The following CACNA1E variants were observed in gnomAD, a reference collection of about 807,000 sequenced individuals.
CACNA1E encodes the protein calcium voltage-gated channel subunit alpha1 E.
In CACNA1E, 40 loss-of-function variants were observed where a neutral mutation model predicts 259.2. The observed-to-expected ratio is 0.15, with a 90% CI of 0.12 to 0.20. CACNA1E has a LOEUF of 0.20. Ranked by LOEUF, CACNA1E falls within the 10% of genes least tolerant of loss-of-function variation. CACNA1E has a pLI of 1.00. For missense variants in CACNA1E, 1,874 were observed against 3,040.1 expected (o/e 0.62, Z 9.02); for synonymous variants, 1,104 against 1,138.5 (o/e 0.97, Z 0.61).
intron 1 of CACNA1E, among the ~76,000 whole-genome samples, chr1:181,489,976 A>T (rs1388156979): frequency 6.6e-6 from 1 of 152,224 alleles, no homozygotes; most frequent in African/African-American, 2.4e-5. Flanking sequence ...CCCATCAGTC[A>T]TGTTTCCAGC....
Position 181,775,092 on chromosome 1 carries a change from C to A in CACNA1E, c.5140-1009C>A, listed in dbSNP as rs930564451. On this transcript the variant is annotated intron_variant, in intron 37 of 47. Transcript: ENST00000367573. ...AGATGGCTGTAGTGGCAGCTCTAGA[C>A]CGCACATTTTCACACATTTAAGAGC... Among the ~76,000 whole-genome samples, 6 of 152,152 alleles carry A rather than the reference C, an allele frequency of 3.9e-5. No individual in the cohort carries two copies. In the East Asian group the frequency reaches 9.6e-4, roughly 24 times the overall value.
chr1:181,782,431 T>G (rs1252260610), intron 39 of CACNA1E, among the ~76,000 whole-genome samples: 1 of 152,236 alleles, frequency 6.6e-6, no homozygotes, highest in Non-Finnish European at 1.5e-5. Flanking sequence ...CCCAGAACTC[T>G]GGAGCTCTTT....
At chr1:181,623,210 T>C (rs572081817) in intron 6 of CACNA1E, among the ~76,000 whole-genome samples, 1 of 152,272 alleles carries the variant, frequency 6.6e-6, no homozygotes, top group East Asian at 1.9e-4. Flanking sequence ...CCCACAATGG[T>C]AAACCCCTTT....
intron 6 of CACNA1E, among the ~76,000 whole-genome samples, chr1:181,622,555 A>G (rs1342344958): frequency 6.6e-6 from 1 of 152,070 alleles, no homozygotes; most frequent in Non-Finnish European, 1.5e-5. Flanking sequence ...TTCTGTGTGC[A>G]TGCATCTTTT....
intron 8 of CACNA1E, among the ~76,000 whole-genome samples, chr1:181,711,591 G>A (rs1274795278): frequency 6.6e-6 from 1 of 152,204 alleles, no homozygotes; most frequent in African/African-American, 2.4e-5. Context: ...AATATGATGG[G>A]AAAACTGATC....
Position 181,807,956 on chromosome 1 carries a change from G to T in CACNA1E, c.*9122G>T, listed in dbSNP as rs140655057. The T allele has an allele frequency of 6.6e-6, 1 of 152,110 alleles. No individual in the cohort carries two copies. Among genetic ancestry groups the T allele is most frequent in the Non-Finnish European group, 1.5e-5 (1 of 68,002 alleles). 9.4% of individuals were successfully genotyped at this position (152,110 alleles called of 1,614,324 possible). On this transcript the variant is annotated 3_prime_UTR_variant, in exon 48 of 48. Transcript: ENST00000367573. ...TAATAAGTTGGTTTCTTGGGCAAAG[G>T]TTGGTTTGTAAGCCATTTACATGGA...
chr1:181,797,153 G>A (rs1661881660), intron 47 of CACNA1E, among the ~76,000 whole-genome samples: 1 of 152,172 alleles, frequency 6.6e-6, no homozygotes, highest in Non-Finnish European at 1.5e-5. Context: ...GATTTTGGAG[G>A]AGAGGATGGT....
At chr1:181,446,500 C>G (rs77787851) in intron 2 of CACNA1E, among the ~76,000 whole-genome samples, 2,936 of 152,268 alleles carry the variant, frequency 0.019, 54 homozygotes, top group Admixed American at 0.043. Flanking sequence ...GTTTCTTGTT[C>G]CTGGTGTTGG....
At chr1:181,606,240 A>G (rs1273474953) in intron 6 of CACNA1E, among the ~76,000 whole-genome samples, 1 of 152,102 alleles carries the variant, frequency 6.6e-6, no homozygotes, top group Non-Finnish European at 1.5e-5. Flanking sequence ...TAAATACCTG[A>G]GACTACCAAG....
chr1:181,636,778 GAACC>G (rs1415415464), intron 6 of CACNA1E, among the ~76,000 whole-genome samples: 1 of 152,230 alleles, frequency 6.6e-6, no homozygotes, highest in Non-Finnish European at 1.5e-5. Context: ...GAGGAAGGCA[GAACC>G]CTCAGGCTGG....
intron 38 of CACNA1E, among the ~76,000 whole-genome samples, chr1:181,777,205 G>T (rs573890262): frequency 1.4e-4 from 22 of 152,288 alleles, no homozygotes; most frequent in African/African-American, 5.3e-4. Flanking sequence ...TTCTATGAAT[G>T]CTTACTCCAA....
intron 27 of CACNA1E, among the ~76,000 whole-genome samples, chr1:181,753,436 A>G (rs562401586): frequency 1.3e-5 from 2 of 152,350 alleles, no homozygotes; most frequent in Admixed American, 6.5e-5. Context: ...TGCGAGGCTC[A>G]GCTCTAGGAC....
intron 3 of CACNA1E, among the ~76,000 whole-genome samples, chr1:181,540,869 A>T (rs572042691): frequency 1.3e-5 from 2 of 152,336 alleles, no homozygotes; most frequent in South Asian, 4.1e-4. Context: ...TATAAAAGTT[A>T]TACAGGTTAA....
At chr1:181,461,460 C>G (rs893213978) in intron 2 of CACNA1E, among the ~76,000 whole-genome samples, 19 of 145,814 alleles carry the variant, frequency 1.3e-4, no homozygotes, top group Non-Finnish European at 2.4e-4. Context: ...AGAATGGCAT[C>G]AACTTGGGAG....
chr1:181,758,920 C>T lies in CACNA1E; in HGVS notation c.4605+52C>T. 1 of 995,890 alleles carries T rather than the reference C, an allele frequency of 1.0e-6. No homozygotes were observed. Among genetic ancestry groups the T allele is most frequent in the South Asian group, 1.4e-5 (1 of 71,382 alleles). The allele number at this position is 995,890 out of a possible 1,614,324, so 61.7% of individuals were successfully genotyped here. A position where few individuals can be genotyped will look rare whatever the true frequency, so the allele number is the denominator to read the frequency against. The stretch of plus-strand genomic sequence containing the variant: ...TGGGCTTGTCTCTTTCTGTTGGGTG[C>T]CTTCCCAGTCTTTGTTGAAGGGGAG... On this transcript the variant is annotated intron_variant, in intron 32 of 47. Coordinates refer to ENST00000367573, the MANE Select transcript of CACNA1E (RefSeq NM_001205293.3). This position sits in a 1 kb window ranked among gnomAD's most constrained non-coding sequence, Gnocchi z 4.2.
intron 25 of CACNA1E, among the ~76,000 whole-genome samples, chr1:181,748,274 GT>G (rs1207572416): frequency 6.6e-6 from 1 of 152,114 alleles, no homozygotes; most frequent in Non-Finnish European, 1.5e-5. Flanking sequence ...AAGGAACCCT[GT>G]TTTCCAAAAC....
rs556769590 is a variant in CACNA1E at position 181,344,294 on chromosome 1, A to G, written c.-15+26171A>G. 2.0e-5 allele frequency among the ~76,000 whole-genome samples: 3 copies of G among 152,282 alleles called. No individual in the cohort carries two copies. In the South Asian group the frequency reaches 6.2e-4, roughly 32 times the overall value. On this transcript the variant is annotated intron_variant, in intron 1 of 11. Coordinates refer to the CACNA1E transcript ENST00000524607. Reference sequence around the variant, plus strand: ...CACTGCTTGCTAAATCAGTACATCAAACGTACTTCCGTACGCATTCCAGGC... The same window carrying G: ...CACTGCTTGCTAAATCAGTACATCAGACGTACTTCCGTACGCATTCCAGGC...
intron 2 of CACNA1E, among the ~76,000 whole-genome samples, chr1:181,453,982 G>A (rs1293181755): frequency 1.3e-5 from 2 of 152,200 alleles, no homozygotes; most frequent in African/African-American, 4.8e-5. Flanking sequence ...TACTGTGTTG[G>A]TTGCTTAACT....
At chr1:181,429,670 A>G (rs1180418609) in intron 2 of CACNA1E, among the ~76,000 whole-genome samples, 2 of 152,194 alleles carry the variant, frequency 1.3e-5, no homozygotes, top group Non-Finnish European at 2.9e-5. Context: ...CATGTTTGTT[A>G]TTAGGCTCTG....
Sources: allele counts gnomAD v4.1 joint callset (sites outside exome capture counted in the v4.1 genomes callset), GRCh38; gene constraint gnomAD v4.1.1; non-coding constraint Gnocchi (gnomAD v3.1); transcripts MANE v1.5; gene names NCBI Gene and HGNC (gene_info 2026-07-23, HGNC 2026-07-21).